GNL3L: variants seen among roughly 807,000 people sequenced by gnomAD.
GNL3L encodes G protein nucleolar 3 like.
A neutral mutation model predicts 42.9 loss-of-function variants in GNL3L; 4 were observed. The observed-to-expected ratio is 0.09, with a 90% CI of 0.05 to 0.21. The LOEUF is 0.21. Among genes scored for constraint, GNL3L ranks in the 10% least tolerant of loss-of-function variants. The pLI is 1.00. For missense variants in GNL3L, 412 were observed against 481.7 expected, an observed-to-expected ratio of 0.86 and a Z score of 1.36; for synonymous variants, 159 against 176.3, an observed-to-expected ratio of 0.90 and a Z score of 0.78.
chrX:54,618,413 G>A (rs190625226), intron 16 of GNL3L, among the ~76,000 whole-genome samples: 11 of 111,390 alleles, frequency 9.9e-5, no homozygotes, highest in Non-Finnish European at 1.5e-4. Flanking sequence ...GAAGTCTTAC[G>A]AATTCTCTCT....
At chrX:54,625,162 A>G (rs748502482), downstream of GNL3L, among the ~76,000 whole-genome samples, 4 of 111,364 alleles carry the variant, frequency 3.6e-5, no homozygotes, top group Non-Finnish European at 7.5e-5. Flanking sequence ...TGCTCTGACT[A>G]GAACTTCAGT....
At chrX:54,612,150 A>T (rs1926168581) in intron 16 of GNL3L, among the ~76,000 whole-genome samples, 1 of 111,928 alleles carries the variant, frequency 8.9e-6, no homozygotes, top group Non-Finnish European at 1.9e-5. Flanking sequence ...TTCCTGTTGG[A>T]CAAGGCCTTT....
At chrX:54,549,279 C>CGCTACAGACCCAGAGATCCAGAGGAG (rs1924862020) in intron 9 of GNL3L, among the ~76,000 whole-genome samples, 1 of 111,501 alleles carries the variant, frequency 9.0e-6, no homozygotes, top group Non-Finnish European at 1.9e-5. Flanking sequence ...CACAGACCCA[C>CGCTACAGACCCAGAGATCCAGAGGAG]GCTACAGACC....
chrX:54,562,580 C>G lies in GNL3L; in HGVS notation c.*1978C>G, dbSNP rs1925300778. Reference sequence around the variant, plus strand: ...GAGACCCATTACCACCGTTAACCCTCAATACAGCTCTGCTAGTAAGGGATT... The same window carrying G: ...GAGACCCATTACCACCGTTAACCCTGAATACAGCTCTGCTAGTAAGGGATT... On this transcript the variant is annotated 3_prime_UTR_variant, in exon 16 of 16. Coordinates refer to ENST00000360845, the MANE Select transcript of GNL3L (RefSeq NM_001184819.2). Among the ~76,000 whole-genome samples the G allele has an allele frequency of 9.0e-6, 1 of 110,555 alleles. No individual in the cohort carries two copies. Among genetic ancestry groups the G allele is most frequent in the South Asian group, 3.9e-4 (1 of 2,585 alleles).
Position 54,561,797 on chromosome X carries a change from G to C in GNL3L, c.*1195G>C, listed in dbSNP as rs1925280147. Among the ~76,000 whole-genome samples the C allele has an allele frequency of 9.0e-6, 1 of 111,424 alleles. No homozygotes were observed. Among genetic ancestry groups the C allele is most frequent in the African/African-American group, 3.3e-5 (1 of 30,622 alleles). ...AGTGTACCAGCCAACTCCTTTTCCA[G>C]TGTCTGTAAGTCACCTCATTAAAGT... On this transcript the variant is annotated 3_prime_UTR_variant, in exon 16 of 16. Coordinates refer to ENST00000360845, the MANE Select transcript of GNL3L (RefSeq NM_001184819.2).
rs765647506 is a variant in GNL3L, at chrX:54,554,670, A to G, written c.1424A>G (p.Glu475Gly). 1 of 1,205,853 alleles carries G rather than the reference A, an allele frequency of 8.3e-7. No individual in the cohort carries two copies. Among genetic ancestry groups the G allele is most frequent in the African/African-American group, 1.8e-5 (1 of 57,094 alleles). The change falls in exon 14 of 16, where the codon GAA (glutamate) becomes GGA (glycine). Residue 475 changes from glutamate (E) to glycine (G), a missense_variant. Coordinates refer to ENST00000360845, the MANE Select transcript of GNL3L (RefSeq NM_001184819.2). ...SPMTKIADAIENKTTVYKIGD... is the reference protein window; with the variant it reads ...SPMTKIADAIGNKTTVYKIGD... ...ATGACGAAAATAGCAGATGCCATTG[A>G]AAATAAAACCACCGTGTATAAGGTA...
chrX:54,630,271 TCTTA>T, the GNL3L span, among the ~76,000 whole-genome samples: 6 of 111,317 alleles, frequency 5.4e-5, no homozygotes, highest in East Asian at 2.8e-4. Flanking sequence ...CTCTGATCTT[TCTTA>T]CTTCTTTTCT....
At chrX:54,595,053 A>C (rs915210319) in intron 16 of GNL3L, among the ~76,000 whole-genome samples, 3 of 112,209 alleles carry the variant, frequency 2.7e-5, no homozygotes, top group Admixed American at 9.5e-5. Flanking sequence ...AGTAGTTCAC[A>C]CACCACAGTT....
chrX:54,610,189 T>G (rs1926145566), intron 16 of GNL3L, among the ~76,000 whole-genome samples: 1 of 111,992 alleles, frequency 8.9e-6, no homozygotes, highest in Non-Finnish European at 1.9e-5. Context: ...TTGATTTGTG[T>G]ACATTAATTT....
intron 16 of GNL3L, among the ~76,000 whole-genome samples, chrX:54,591,860 TTGGTATTC>T (rs1212087321): frequency 6.3e-5 from 7 of 111,595 alleles, no homozygotes; most frequent in Admixed American, 2.9e-4. Context: ...AAGAATGTCA[TTGGTATTC>T]TGATAGAGAT....
At chrX:54,641,258 A>C in the GNL3L span, among the ~76,000 whole-genome samples, 1 of 110,484 alleles carries the variant, frequency 9.1e-6, no homozygotes, top group Non-Finnish European at 1.9e-5. Context: ...TCATTTGTGT[A>C]TCCTTCCTCC....
At chrX:54,573,320 G>A (rs1388890068) in intron 16 of GNL3L, among the ~76,000 whole-genome samples, 1 of 113,093 alleles carries the variant, frequency 8.8e-6, no homozygotes, top group Non-Finnish European at 1.9e-5. Flanking sequence ...GAGGCTGGCG[G>A]ATCACTCGCG....
intron 13 of GNL3L, among the ~76,000 whole-genome samples, chrX:54,553,009 G>A (rs1924992035): frequency 8.9e-6 from 1 of 111,998 alleles, no homozygotes; most frequent in Non-Finnish European, 1.9e-5. Context: ...ACTGTGTGAT[G>A]CTAAACAAAT....
At chrX:54,558,940 A>C (rs1253964042) in intron 15 of GNL3L, among the ~76,000 whole-genome samples, 7 of 112,238 alleles carry the variant, frequency 6.2e-5, no homozygotes, top group Admixed American at 4.7e-4. Context: ...TACAGATGTG[A>C]GCCACTGCAC....
At chrX:54,534,792 T>C (rs1014832938) in intron 2 of GNL3L, among the ~76,000 whole-genome samples, 6 of 110,930 alleles carry the variant, frequency 5.4e-5, no homozygotes, top group African/African-American at 2.0e-4. Context: ...CCTTCTCCTT[T>C]TTCCCTCCCC....
intron 16 of GNL3L, among the ~76,000 whole-genome samples, chrX:54,580,358 C>T (rs1161413025): frequency 1.8e-5 from 2 of 109,727 alleles, no homozygotes; most frequent in African/African-American, 6.7e-5. Context: ...ATAGTATTCC[C>T]GTGGTGTATA....
At chrX:54,535,382 G>T (rs2147470484) in intron 2 of GNL3L, among the ~76,000 whole-genome samples, 1 of 111,660 alleles carries the variant, frequency 9.0e-6, no homozygotes, top group South Asian at 3.8e-4. Context: ...CTCCCAAAGT[G>T]CTGGGATTAC....
At chrX:54,531,229 A>G (rs765761744) in intron 1 of GNL3L, among the ~76,000 whole-genome samples, 2 of 111,635 alleles carry the variant, frequency 1.8e-5, no homozygotes, top group Admixed American at 1.9e-4. Flanking sequence ...TTTGAGGTAG[A>G]CACAGATCAT....
chrX:54,578,744 T>G (rs1225258544), intron 16 of GNL3L, among the ~76,000 whole-genome samples: 1 of 112,459 alleles, frequency 8.9e-6, no homozygotes, highest in African/African-American at 3.2e-5. Flanking sequence ...CAAGCACATT[T>G]TTGTGTTAAC....
Sources: gnomAD v4.1 joint callset for allele counts (sites outside exome capture counted in the v4.1 genomes callset) on GRCh38, gnomAD v4.1.1 for gene constraint, MANE v1.5 for transcripts, NCBI Gene and HGNC (gene_info 2026-07-23, HGNC 2026-07-21) for gene names.